ACOT13: variants seen among roughly 807,000 people sequenced by gnomAD.
ACOT13 encodes the protein acyl-coenzyme A thioesterase 13.
A neutral mutation model predicts 11.8 loss-of-function variants in ACOT13; 10 were observed. The observed-to-expected ratio is 0.85, with a 90% CI of 0.53 to 1.44. ACOT13 has a LOEUF of 1.44. Among genes scored for constraint, ACOT13 ranks in the 40% most tolerant of loss-of-function variants. ACOT13 has a pLI of 0.00. For synonymous variants in ACOT13, 53 were observed against 61.0 expected, an observed-to-expected ratio of 0.87 and a Z score of 0.61; for missense variants, 172 against 174.1, an observed-to-expected ratio of 0.99 and a Z score of 0.07.
intron 1 of ACOT13, among the ~76,000 whole-genome samples, chr6:24,696,790 T>C (rs1204325524): frequency 6.6e-6 from 1 of 152,234 alleles, no homozygotes; most frequent in Non-Finnish European, 1.5e-5. Context: ...TTCTTTTTTT[T>C]TTTGAGACTG....
rs540009660 is a variant in ACOT13 at position 24,686,134 on chromosome 6, A to C, written c.82-11749A>C. 2.2e-3 allele frequency among the ~76,000 whole-genome samples: 337 copies of C among 152,130 alleles called. 1 individual carries two copies. Among genetic ancestry groups the C allele is most frequent in the Non-Finnish European group, 4.2e-3 (283 of 68,024 alleles). ...TTGTCAACAAACTAAGTACTGTGGG[A>C]CTATAAAGAAATACTAACCATAGTT... On this transcript the variant is annotated intron_variant, in intron 1 of 2. Coordinates refer to ENST00000230048, the MANE Select transcript of ACOT13 (RefSeq NM_018473.4).
rs372215322 is a variant in ACOT13 at position 24,700,142 on chromosome 6, G to A, written c.267-1317G>A. On this transcript the variant is annotated intron_variant, in intron 2 of 2. Transcript: ENST00000230048. Reference sequence around the variant, plus strand: ...ACTGTGACTTAGGTTAAAAACAAGCGAGGTTCCAAAACAACAAAAGGGGAA... The same window carrying A: ...ACTGTGACTTAGGTTAAAAACAAGCAAGGTTCCAAAACAACAAAAGGGGAA... 4.7e-4 allele frequency among the ~76,000 whole-genome samples: 71 copies of A among 152,238 alleles called. No homozygotes were observed. The South Asian group carries it at 0.014, about 29-fold the overall frequency.
intron 1 of ACOT13, among the ~76,000 whole-genome samples, chr6:24,695,766 C>T (rs1778785657): frequency 6.6e-6 from 1 of 152,066 alleles, no homozygotes; most frequent in South Asian, 2.1e-4. Context: ...TCATTTATTG[C>T]TATAAACAGA....
At chr6:24,683,186 T>G (rs1415028585) in intron 1 of ACOT13, among the ~76,000 whole-genome samples, 1 of 152,198 alleles carries the variant, frequency 6.6e-6, no homozygotes, top group Admixed American at 6.5e-5. Context: ...CTCAGATCCC[T>G]TTATGGTTAC....
intron 1 of ACOT13, among the ~76,000 whole-genome samples, chr6:24,691,900 G>A (rs560634236): frequency 2.6e-4 from 39 of 152,310 alleles, no homozygotes; most frequent in African/African-American, 9.4e-4. Flanking sequence ...TAAAGTCAAG[G>A]ATCATGCTGA....
intron 1 of ACOT13, among the ~76,000 whole-genome samples, chr6:24,686,602 TTTC>T (rs913892852): frequency 1.3e-4 from 19 of 150,490 alleles, no homozygotes; most frequent in Admixed American, 1.0e-3. Flanking sequence ...CCTTCCTTTC[TTTC>T]TTTTCTTCCT....
At position 24,701,810 on chromosome 6, in the gene ACOT13, CAT is replaced by C. The variant is rs1190203766; in HGVS notation, c.*196_*197del. 3.0e-5 allele frequency: 15 copies of C among 498,392 alleles called. No homozygotes were observed. The highest frequency in any genetic ancestry group is 1.2e-4 in the Admixed American group (3 of 25,576). 30.9% of individuals were successfully genotyped at this position (498,392 alleles called of 1,614,324 possible). A position where few individuals can be genotyped will look rare whatever the true frequency, so the allele number is the denominator to read the frequency against. Reference sequence around the variant, plus strand: ...CACTTTAAGCATCTTGTTTTCTAATCATGTGTGATAATTGGGTGAAAAATTCT... The same window carrying C: ...CACTTTAAGCATCTTGTTTTCTAATCGTGTGATAATTGGGTGAAAAATTCT... On this transcript the variant is annotated 3_prime_UTR_variant, in exon 3 of 3. Coordinates refer to ENST00000230048, the MANE Select transcript of ACOT13 (RefSeq NM_018473.4).
intron 1 of ACOT13, among the ~76,000 whole-genome samples, chr6:24,693,050 C>G (rs185366360): frequency 6.6e-6 from 1 of 152,350 alleles, no homozygotes; most frequent in Non-Finnish European, 1.5e-5. Flanking sequence ...CTTTTTACCT[C>G]CTTTCCTGCT....
intron 2 of ACOT13, 71 bp downstream of exon 2, chr6:24,698,138 T>A (rs1778829113): frequency 1.5e-6 from 2 of 1,300,146 alleles, no homozygotes; most frequent in Non-Finnish European, 2.0e-6. Flanking sequence ...CTAAACACAT[T>A]TATATTATTA....
At chr6:24,687,718 T>TG in intron 1 of ACOT13, 1 of 1,501,344 alleles carries the variant, frequency 6.7e-7, no homozygotes, top group Non-Finnish European at 8.9e-7. Context: ...TTTTTTTTTT[T>TG]TTTTTTTTTT....
chr6:24,689,998 G>C (rs574132633), intron 1 of ACOT13, among the ~76,000 whole-genome samples: 1 of 152,284 alleles, frequency 6.6e-6, no homozygotes, highest in East Asian at 1.9e-4. Flanking sequence ...TTTCTATGTA[G>C]ATCCTCTGAG....
chr6:24,704,649 A>G lies in ACOT13; in HGVS notation c.*3034A>G, dbSNP rs1429672019. The stretch of plus-strand genomic sequence containing the variant: ...CATGAAAGCATTTTGAAATTTAAGA[A>G]TGGCCCTTTCCCATGAAGCAAGGCA... On this transcript the variant is annotated 3_prime_UTR_variant, in exon 3 of 3. Transcript: ENST00000230048. The G allele has an allele frequency of 1.3e-5, 2 of 152,232 alleles. No individual in the cohort carries two copies. The highest frequency in any genetic ancestry group is 4.8e-5 in the African/African-American group (2 of 41,460). The allele number at this position is 152,232 out of a possible 1,614,324, so 9.4% of individuals were successfully genotyped here.
intron 1 of ACOT13, among the ~76,000 whole-genome samples, chr6:24,680,114 G>A (rs541367534): frequency 6.6e-6 from 1 of 152,302 alleles, no homozygotes; most frequent in South Asian, 2.1e-4. Context: ...AGGGCTTCCT[G>A]TAGGGCATAA....
intron 1 of ACOT13, among the ~76,000 whole-genome samples, chr6:24,689,658 C>G (rs1778692413): frequency 6.6e-6 from 1 of 152,048 alleles, no homozygotes; most frequent in Admixed American, 6.6e-5. Context: ...GAATGATATT[C>G]AGCACCGAAA....
chr6:24,674,057 T>TTTTG (rs775078311), intron 1 of ACOT13, among the ~76,000 whole-genome samples: 2 of 152,198 alleles, frequency 1.3e-5, no homozygotes, highest in Admixed American at 1.3e-4. Flanking sequence ...GTGGGGTTTT[T>TTTTG]TTTGTTTGTT....
intron 1 of ACOT13, among the ~76,000 whole-genome samples, chr6:24,680,662 G>A (rs909668280): frequency 6.6e-6 from 1 of 152,102 alleles, no homozygotes; most frequent in African/African-American, 2.4e-5. Context: ...CTTTACCAGC[G>A]TGCCCGACAT....
intron 1 of ACOT13, among the ~76,000 whole-genome samples, chr6:24,669,519 A>G (rs1778323909): frequency 2.0e-5 from 3 of 152,210 alleles, no homozygotes; most frequent in Non-Finnish European, 4.4e-5. Flanking sequence ...TTGGGGGCCC[A>G]AGATATTTTC....
intron 2 of ACOT13, among the ~76,000 whole-genome samples, chr6:24,698,785 G>GCGC (rs1330827507): frequency 6.6e-6 from 1 of 151,704 alleles, no homozygotes; most frequent in African/African-American, 2.4e-5. Flanking sequence ...TTACAGGTGT[G>GCGC]CGCCACCATG....
intron 1 of ACOT13, among the ~76,000 whole-genome samples, chr6:24,683,284 T>C (rs991599945): frequency 2.6e-5 from 4 of 152,196 alleles, no homozygotes; most frequent in African/African-American, 9.7e-5. Context: ...ACGCCTGTAA[T>C]CCCAGCACTT....
Sources: allele counts gnomAD v4.1 joint callset (sites outside exome capture counted in the v4.1 genomes callset), GRCh38; gene constraint gnomAD v4.1.1; transcripts MANE v1.5; gene names NCBI Gene and HGNC (gene_info 2026-07-23, HGNC 2026-07-21).